SPTB: variants seen among roughly 807,000 people sequenced by gnomAD.
SPTB encodes spectrin beta, erythrocytic.
In SPTB, 45 loss-of-function variants were observed where a neutral mutation model predicts 256.2. The observed-to-expected ratio is 0.18, with a 90% CI of 0.14 to 0.23. SPTB has a LOEUF of 0.23. Among genes scored for constraint, SPTB ranks in the 10% least tolerant of loss-of-function variants. The pLI is 1.00. For missense variants in SPTB, 2,715 were observed against 3,040.4 expected (o/e 0.89, Z 2.52); for synonymous variants, 1,231 against 1,243.1 (o/e 0.99, Z 0.21).
intron 2 of SPTB, among the ~76,000 whole-genome samples, chr14:64,815,014 GTGTA>G: frequency 7.3e-6 from 1 of 137,464 alleles, no homozygotes; most frequent in East Asian, 2.1e-4. Flanking sequence ...CTGGCAAGGT[GTGTA>G]TGTGTGTGTG....
chr14:64,779,146 G>T lies in SPTB; in HGVS notation c.4563+11C>A, dbSNP rs368290807. ...GGGTGGGTGGGGCTGGTGAGGTGAC[G>T]CAGGACTCACCTGGTTCTTCTTCAT... On this transcript the variant is annotated intron_variant, in intron 22 of 35. Coordinates refer to ENST00000644917, the MANE Select transcript of SPTB (RefSeq NM_001355436.2). The surrounding 1 kb of genome is among the most constrained non-coding windows in gnomAD (Gnocchi z 4.2). 4 of 1,610,706 alleles carry T rather than the reference G, an allele frequency of 2.5e-6. No homozygotes were observed. The highest frequency in any genetic ancestry group is 3.4e-6 in the Non-Finnish European group (4 of 1,177,688).
chr14:64,794,593 C>T lies in SPTB; in HGVS notation c.1669G>A (p.Gly557Arg), dbSNP rs1441917693. 1 of 1,614,158 alleles carries T rather than the reference C, an allele frequency of 6.2e-7. No individual in the cohort carries two copies. Among genetic ancestry groups the T allele is most frequent in the South Asian group, 1.1e-5 (1 of 91,068 alleles). Reference sequence around the variant, plus strand: ...TCTTCAACCTCCAACAAGTGCTTCCCAAACTCGGCAGACAAGAGGTGAGCC... The same window carrying T: ...TCTTCAACCTCCAACAAGTGCTTCCTAAACTCGGCAGACAAGAGGTGAGCC... ...IKAHLLSAEF[G>R]KHLLEVEDLL... is the part of the protein sequence containing the mutation. The change falls in exon 13 of 36, where the codon GGG becomes AGG. Residue 557 changes from glycine (G) to arginine (R), a missense_variant. By Grantham distance (125) the Gly-to-Arg change is moderately radical (BLOSUM62 -2). Transcript: ENST00000644917.
At position 64,747,304 on chromosome 14, in the gene SPTB, C is replaced by G. The variant is rs980441051; in HGVS notation, c.*2002G>C. The G allele has an allele frequency of 2.0e-5, 3 of 152,660 alleles. No individual in the cohort carries two copies. The highest frequency in any genetic ancestry group is 2.9e-5 in the Non-Finnish European group (2 of 68,076). The allele number at this position is 152,660 out of a possible 1,614,324, so 9.5% of individuals were successfully genotyped here. On this transcript the variant is annotated 3_prime_UTR_variant, in exon 36 of 36. Transcript: ENST00000644917. Reference sequence around the variant, plus strand: ...TCTGCCCTTCAGCAAGGAACCTGCTCTCTGCCCCAGAGGAGGACATGCCTG... The same window carrying G: ...TCTGCCCTTCAGCAAGGAACCTGCTGTCTGCCCCAGAGGAGGACATGCCTG...
intron 15 of SPTB, among the ~76,000 whole-genome samples, chr14:64,789,358 AAATT>A (rs914328481): frequency 2.6e-5 from 4 of 152,172 alleles, no homozygotes; most frequent in African/African-American, 9.7e-5. Context: ...TCTCTATAAA[AAATT>A]AATTAATTAA....
At position 64,753,457 on chromosome 14, in the gene SPTB, T is replaced by C. The variant is rs1363099299; in HGVS notation, c.6602+80A>G. 4 of 1,604,178 alleles carry C rather than the reference T, an allele frequency of 2.5e-6. No individual in the cohort carries two copies. In the African/African-American group the frequency reaches 5.4e-5, roughly 21 times the overall value. ...GCACCCCTCCCCCAGCACATGCCCATGTCACCAAGGCTCTGCTAGCAGAGA... is the reference window on the plus strand; with the variant it reads ...GCACCCCTCCCCCAGCACATGCCCACGTCACCAAGGCTCTGCTAGCAGAGA... On this transcript the variant is annotated intron_variant, in intron 33 of 35. Coordinates refer to ENST00000644917, the MANE Select transcript of SPTB (RefSeq NM_001355436.2).
Position 64,765,824 on chromosome 14 carries a change from G to A in SPTB, c.6345+902C>T, listed in dbSNP as rs148248454. 6.7e-4 allele frequency among the ~76,000 whole-genome samples: 96 copies of A among 142,398 alleles called. 3 individuals carry two copies. The highest frequency in any genetic ancestry group is 2.6e-3 in the African/African-American group (93 of 35,598). The allele number at this position is 142,398 out of a possible 152,430, so 93.4% of individuals were successfully genotyped here. A position where few individuals can be genotyped will look rare whatever the true frequency, so the allele number is the denominator to read the frequency against. ...GATTGGGGTGTGTGTGTGTGTGAGT[G>A]TGTGTGTGTGTGGGGGTGTGGTGTG... On this transcript the variant is annotated intron_variant, in intron 32 of 35. Transcript: ENST00000644917.
chr14:64,869,857 T>C (rs1253603762), intron 1 of SPTB, among the ~76,000 whole-genome samples: 1 of 150,524 alleles, frequency 6.6e-6, no homozygotes, highest in Non-Finnish European at 1.5e-5. Context: ...CTCAAACTCC[T>C]GGGCTCAAGC....
At chr14:64,804,232 T>C (rs901310791) in intron 3 of SPTB, among the ~76,000 whole-genome samples, 2 of 152,172 alleles carry the variant, frequency 1.3e-5, no homozygotes, top group Admixed American at 6.5e-5. Context: ...ATCTGATGGG[T>C]TCCCCATGGG....
Position 64,815,318 on chromosome 14 carries a change from G to A in SPTB, c.148+7629C>T, listed in dbSNP as rs558274000. The stretch of plus-strand genomic sequence containing the variant: ...CATGAAGCGCGAAGGAGCATGTGAG[G>A]TAAGAATGAAGAACATTCAATAGGG... On this transcript the variant is annotated intron_variant, in intron 2 of 35. Coordinates refer to ENST00000644917, the MANE Select transcript of SPTB (RefSeq NM_001355436.2). Among the ~76,000 whole-genome samples the A allele has an allele frequency of 1.5e-4, 23 of 152,286 alleles. No homozygotes were observed. The South Asian group carries it at 4.8e-3, about 32-fold the overall frequency.
At chr14:64,867,810 T>C (rs1198341815) in intron 1 of SPTB, among the ~76,000 whole-genome samples, 1 of 143,886 alleles carries the variant, frequency 6.9e-6, no homozygotes, top group Non-Finnish European at 1.5e-5. Context: ...GCCGAGATCA[T>C]GCCACTGTAC....
chr14:64,776,041 C>A (rs867548922), intron 22 of SPTB, among the ~76,000 whole-genome samples: 47 of 152,316 alleles, frequency 3.1e-4, no homozygotes, highest in African/African-American at 1.1e-3. Flanking sequence ...ACCCTGGTGG[C>A]TGGTCACCTT....
chr14:64,828,313 G>T (rs1367365676), intron 1 of SPTB, among the ~76,000 whole-genome samples: 1 of 151,736 alleles, frequency 6.6e-6, no homozygotes, highest in East Asian at 1.9e-4. Context: ...AGGGGTGGGG[G>T]TGGATGGGAT....
chr14:64,752,983 G>A (rs1331366092), intron 33 of SPTB, among the ~76,000 whole-genome samples: 2 of 152,022 alleles, frequency 1.3e-5, no homozygotes, highest in Non-Finnish European at 2.9e-5. Flanking sequence ...CAGTTCTCGG[G>A]GTCATAGAGT....
intron 32 of SPTB, 97 bp downstream of exon 32, chr14:64,766,629 G>T (rs758935701): frequency 3.7e-6 from 6 of 1,611,260 alleles, no homozygotes; most frequent in Non-Finnish European, 5.1e-6. Context: ...GGCTGCGCCA[G>T]CTCATCTCGC....
intron 32 of SPTB, among the ~76,000 whole-genome samples, chr14:64,765,523 G>C (rs905270454): frequency 1.3e-5 from 2 of 152,184 alleles, no homozygotes; most frequent in African/African-American, 4.8e-5. Context: ...CCTTGAGCCA[G>C]GCCTCTGGCT....
In SPTB at chr14:64,786,703, C is replaced by A. The variant is rs1429381408; in HGVS notation, c.3262G>T (p.Asp1088Tyr). 1.9e-6 allele frequency: 3 copies of A among 1,614,150 alleles called. No homozygotes were observed. Among genetic ancestry groups the A allele is most frequent in the African/African-American group, 1.3e-5 (1 of 75,042 alleles). Reference protein sequence around the residue: ...SITQKAVASEDMPESLPEAEQ... With the variant: ...SITQKAVASEYMPESLPEAEQ... Reference sequence around the variant, plus strand: ...GCCTCTGGGAGGGATTCGGGCATGTCCTCAGAGGCCACAGCCTTCTGGGTG... The same window carrying A: ...GCCTCTGGGAGGGATTCGGGCATGTACTCAGAGGCCACAGCCTTCTGGGTG... Residue 1088 changes from aspartate to tyrosine, a missense_variant, in exon 16 of 36, where the codon GAC becomes TAC. By Grantham distance (160) the Asp-to-Tyr change is radical (BLOSUM62 -3). Around this residue, in one of 4 missense-constraint regions of SPTB, gnomAD observed 2,239 missense variants for 2,384.4 expected, o/e 0.94. Coordinates refer to ENST00000644917, the MANE Select transcript of SPTB (RefSeq NM_001355436.2). This position sits in a 1 kb window ranked among gnomAD's most constrained non-coding sequence, Gnocchi z 5.6.
chr14:64,751,213 A>T (rs1594735470), intron 33 of SPTB, among the ~76,000 whole-genome samples: 1 of 151,536 alleles, frequency 6.6e-6, no homozygotes, highest in Admixed American at 6.6e-5. Context: ...TCCGCCTCCC[A>T]GGTTCAAGCG....
intron 2 of SPTB, among the ~76,000 whole-genome samples, chr14:64,817,257 C>T (rs1051157437): frequency 5.9e-5 from 9 of 152,210 alleles, no homozygotes; most frequent in Non-Finnish European, 1.3e-4. Context: ...GGTTTATCTA[C>T]ACTGTGTCCT....
At chr14:64,821,190 A>G (rs2083280648) in intron 2 of SPTB, among the ~76,000 whole-genome samples, 1 of 152,156 alleles carries the variant, frequency 6.6e-6, no homozygotes, top group Admixed American at 6.5e-5. Context: ...TTGCTGTTTA[A>G]TTTATGTGCC....
Sources: allele counts gnomAD v4.1 joint callset (sites outside exome capture counted in the v4.1 genomes callset), GRCh38; gene constraint gnomAD v4.1.1; regional missense constraint gnomAD v4.1.1; non-coding constraint Gnocchi (gnomAD v3.1); transcripts MANE v1.5; gene names NCBI Gene and HGNC (gene_info 2026-07-23, HGNC 2026-07-21).